TMCO4: variants seen among roughly 807,000 people sequenced by gnomAD.
TMCO4 encodes transmembrane and coiled-coil domain-containing protein 4.
TMCO4 carries 58 observed loss-of-function variants against 64.7 expected under a neutral mutation model. That is an observed-to-expected ratio of 0.90 (90% CI 0.73 to 1.12). TMCO4 has a LOEUF of 1.12. Among genes scored for constraint, TMCO4 ranks in the 50% most tolerant of loss-of-function variants. The probability of loss-of-function intolerance (pLI) is 0.00; values close to 1 mark genes in which losing one functional copy is unlikely to be tolerated. For synonymous variants in TMCO4, 325 were observed against 346.1 expected, an observed-to-expected ratio of 0.94 and a Z score of 0.68; for missense variants, 780 against 825.9, an observed-to-expected ratio of 0.94 and a Z score of 0.68.
At chr1:19,786,790 A>C (rs2101103577) in intron 3 of TMCO4, among the ~76,000 whole-genome samples, 1 of 152,352 alleles carries the variant, frequency 6.6e-6, no homozygotes, top group Admixed American at 6.5e-5. Flanking sequence ...GAATTTTAAA[A>C]ACCTTTTCTT....
chr1:19,729,602 C>A (rs1309816101), intron 13 of TMCO4, among the ~76,000 whole-genome samples: 6 of 151,676 alleles, frequency 4.0e-5, no homozygotes, highest in African/African-American at 1.2e-4. Flanking sequence ...CCCGTCTCTA[C>A]CAAAAATACA....
chr1:19,686,832 G>C (rs185216852), intron 15 of TMCO4, among the ~76,000 whole-genome samples: 1 of 152,342 alleles, frequency 6.6e-6, no homozygotes, highest in East Asian at 1.9e-4. Context: ...TGTAAAATGA[G>C]AGTCATGACC....
chr1:19,691,147 C>T (rs146935229), intron 15 of TMCO4, among the ~76,000 whole-genome samples: 3,392 of 152,228 alleles, frequency 0.022, 46 homozygotes, highest in Middle Eastern at 0.044. Flanking sequence ...GGATTACAGG[C>T]GTGAGTCACT....
intron 6 of TMCO4, among the ~76,000 whole-genome samples, chr1:19,767,364 T>C (rs1471921785): frequency 1.3e-5 from 2 of 152,178 alleles, no homozygotes; most frequent in African/African-American, 4.8e-5. Flanking sequence ...TCAATGGAAA[T>C]TTTAAGGGCG....
chr1:19,750,781 G>C lies in TMCO4; in HGVS notation c.516-3521C>G, dbSNP rs113439944. On this transcript the variant is annotated intron_variant, in intron 7 of 15. Coordinates refer to ENST00000294543, the MANE Select transcript of TMCO4 (RefSeq NM_181719.7). ...GGACCTTCCCACCTTCCTGTGACTAGTTCAACATCACTCAACCTTCAGGAG... is the reference window on the plus strand; with the variant it reads ...GGACCTTCCCACCTTCCTGTGACTACTTCAACATCACTCAACCTTCAGGAG... Among the ~76,000 whole-genome samples the C allele has an allele frequency of 5.2e-3, 789 of 152,336 alleles. 4 individuals carry two copies. The highest frequency in any genetic ancestry group is 0.018 in the African/African-American group (742 of 41,578).
intron 14 of TMCO4, among the ~76,000 whole-genome samples, chr1:19,695,191 C>T (rs996044460): frequency 2.0e-5 from 3 of 152,190 alleles, no homozygotes; most frequent in African/African-American, 7.2e-5. Context: ...GGTGCTGTGA[C>T]CCCACTCCGT....
At chr1:19,759,272 T>C (rs1395124987) in intron 6 of TMCO4, among the ~76,000 whole-genome samples, 1 of 151,800 alleles carries the variant, frequency 6.6e-6, no homozygotes, top group Non-Finnish European at 1.5e-5. Context: ...CTTCACTCCT[T>C]CTCCACTGCC....
At chr1:19,724,324 A>G (rs1041907942) in intron 13 of TMCO4, among the ~76,000 whole-genome samples, 3 of 152,234 alleles carry the variant, frequency 2.0e-5, no homozygotes, top group Non-Finnish European at 2.9e-5. Context: ...CCATATAAAA[A>G]GGCCAGCTTT....
intron 2 of TMCO4, among the ~76,000 whole-genome samples, chr1:19,794,042 GC>G (rs2044184629): frequency 6.6e-6 from 1 of 151,566 alleles, no homozygotes; most frequent in East Asian, 1.9e-4. Flanking sequence ...TTGCCTCTCT[GC>G]CCCCCACCCC....
At chr1:19,761,988 C>A (rs894816074) in intron 6 of TMCO4, among the ~76,000 whole-genome samples, 33 of 152,154 alleles carry the variant, frequency 2.2e-4, no homozygotes, top group African/African-American at 8.0e-4. Context: ...TCCCAATGGT[C>A]CTAGGAGGTT....
intron 7 of TMCO4, among the ~76,000 whole-genome samples, chr1:19,748,093 G>A (rs913483440): frequency 1.7e-4 from 26 of 152,218 alleles, no homozygotes; most frequent in Non-Finnish European, 8.8e-5. Context: ...CTTATCCTAA[G>A]AAGCAGTATG....
chr1:19,764,787 G>A (rs2042657199), intron 6 of TMCO4, among the ~76,000 whole-genome samples: 4 of 150,330 alleles, frequency 2.7e-5, no homozygotes, highest in Admixed American at 2.6e-4. Flanking sequence ...CCCGGGAGGT[G>A]GAGGTTGCAG....
intron 13 of TMCO4, among the ~76,000 whole-genome samples, chr1:19,735,957 G>T (rs759681160): frequency 6.6e-6 from 1 of 152,172 alleles, no homozygotes; most frequent in African/African-American, 2.4e-5. Context: ...GGAGGAGTCT[G>T]CATTGGCCGA....
At position 19,682,840 on chromosome 1, in the gene TMCO4, C is replaced by G. The variant is rs1374209182; in HGVS notation, c.*200G>C. ...CTGGTGGGGCTCCTCTGGGGACAGG[C>G]AGCTTCCCAAGGGTGGGCGTGTTCT... On this transcript the variant is annotated 3_prime_UTR_variant, in exon 16 of 16. Coordinates refer to ENST00000294543, the MANE Select transcript of TMCO4 (RefSeq NM_181719.7). The G allele has an allele frequency of 2.5e-6, 2 of 801,320 alleles. No homozygotes were observed. Among genetic ancestry groups the G allele is most frequent in the Admixed American group, 2.2e-5 (1 of 44,746 alleles). The allele number at this position is 801,320 out of a possible 1,614,324, so 49.6% of individuals were successfully genotyped here.
At chr1:19,720,669 C>T (rs542182581) in intron 13 of TMCO4, among the ~76,000 whole-genome samples, 3 of 152,086 alleles carry the variant, frequency 2.0e-5, no homozygotes, top group South Asian at 2.1e-4. Flanking sequence ...TCTAAGAAAA[C>T]GAGTTAACAA....
rs574518840 is a variant in TMCO4 at position 19,789,570 on chromosome 1, C to T, written c.-100-2453G>A. 1.4e-4 allele frequency among the ~76,000 whole-genome samples: 22 copies of T among 152,198 alleles called. No individual in the cohort carries two copies. In the East Asian group the frequency reaches 2.3e-3, roughly 16 times the overall value. On this transcript the variant is annotated intron_variant, in intron 2 of 15. Transcript: ENST00000294543. ...CTATTTTTCTATATTTTTAGCATTTCGGTCATGAGCTTATTGGTGCTTTTA... is the reference window on the plus strand; with the variant it reads ...CTATTTTTCTATATTTTTAGCATTTTGGTCATGAGCTTATTGGTGCTTTTA...
intron 2 of TMCO4, among the ~76,000 whole-genome samples, chr1:19,790,221 G>A (rs2043961900): frequency 6.6e-6 from 1 of 152,162 alleles, no homozygotes; most frequent in Admixed American, 6.5e-5. Context: ...AACCCTAGAA[G>A]AACATCTAGG....
At chr1:19,747,584 A>C (rs1371327798) in intron 7 of TMCO4, among the ~76,000 whole-genome samples, 3 of 152,168 alleles carry the variant, frequency 2.0e-5, no homozygotes, top group East Asian at 3.8e-4. Context: ...GACCCAGAAG[A>C]AGCACAAAAT....
At chr1:19,760,536 C>T (rs2100969639) in intron 6 of TMCO4, among the ~76,000 whole-genome samples, 1 of 152,318 alleles carries the variant, frequency 6.6e-6, no homozygotes, top group East Asian at 1.9e-4. Context: ...CTCACCTCAG[C>T]CTCCTGAGCA....
Sources: allele counts gnomAD v4.1 joint callset (sites outside exome capture counted in the v4.1 genomes callset), GRCh38; gene constraint gnomAD v4.1.1; transcripts MANE v1.5; gene names NCBI Gene and HGNC (gene_info 2026-07-23, HGNC 2026-07-21).